The following ERBB4 variants were observed in gnomAD, a reference collection of about 807,000 sequenced individuals.
The protein encoded by ERBB4 is erb-b2 receptor tyrosine kinase 4.
In ERBB4, 42 loss-of-function variants were observed where a neutral mutation model predicts 158.0. The ratio of observed to expected loss-of-function variants is 0.27; its 90% CI spans 0.21 to 0.34. ERBB4 has a LOEUF of 0.34. ERBB4 is among the 10% of genes least tolerant of loss of function. ERBB4 has a pLI of 1.00. For missense variants in ERBB4, 1,333 were observed against 1,624.1 expected, an observed-to-expected ratio of 0.82 and a Z score of 3.08; for synonymous variants, 583 against 558.7, an observed-to-expected ratio of 1.04 and a Z score of -0.61.
At chr2:211,393,868 G>A (rs1369341170) in intron 25 of ERBB4, among the ~76,000 whole-genome samples, 1 of 151,552 alleles carries the variant, frequency 6.6e-6, no homozygotes, top group Non-Finnish European at 1.5e-5. Context: ...CAAGAGCAAA[G>A]CCAGCCCTGA....
chr2:211,933,468 T>C (rs1397629614), intron 3 of ERBB4, among the ~76,000 whole-genome samples: 1 of 152,108 alleles, frequency 6.6e-6, no homozygotes, highest in Non-Finnish European at 1.5e-5. Context: ...TTTGATAATC[T>C]ATTGTAGATA....
At chr2:212,119,028 T>C (rs74320008) in intron 2 of ERBB4, among the ~76,000 whole-genome samples, 2 of 152,014 alleles carry the variant, frequency 1.3e-5, no homozygotes, top group Non-Finnish European at 2.9e-5. Context: ...ATAAAAGACA[T>C]GTATAATGAT....
At chr2:211,918,576 C>T (rs778048685) in intron 3 of ERBB4, among the ~76,000 whole-genome samples, 16 of 152,116 alleles carry the variant, frequency 1.1e-4, no homozygotes, top group African/African-American at 1.7e-4. Context: ...TGTAATACCA[C>T]GTTTGCGGCA....
intron 1 of ERBB4, among the ~76,000 whole-genome samples, chr2:212,216,916 C>T (rs2083116561): frequency 6.6e-6 from 1 of 151,346 alleles, no homozygotes; most frequent in Non-Finnish European, 1.5e-5. Flanking sequence ...TATATCCATT[C>T]TATAGTTTAA....
chr2:212,326,574 A>G (rs2087845971), intron 1 of ERBB4, among the ~76,000 whole-genome samples: 1 of 150,806 alleles, frequency 6.6e-6, no homozygotes, highest in Non-Finnish European at 1.5e-5. Flanking sequence ...AGAGCATCTC[A>G]TATCACAGTG....
intron 12 of ERBB4, among the ~76,000 whole-genome samples, chr2:211,683,055 C>T (rs1183575163): frequency 6.6e-6 from 1 of 151,076 alleles, no homozygotes; most frequent in Non-Finnish European, 1.5e-5. Context: ...AGCTCTACAA[C>T]TTTTGATTCA....
chr2:211,910,991 T>C (rs1249869665), intron 3 of ERBB4, among the ~76,000 whole-genome samples: 2 of 152,206 alleles, frequency 1.3e-5, no homozygotes, highest in African/African-American at 2.4e-5. Context: ...CCATCATCTC[T>C]GCCTGGCAAC....
intron 19 of ERBB4, among the ~76,000 whole-genome samples, chr2:211,572,226 T>C (rs953879943): frequency 6.6e-6 from 1 of 152,340 alleles, no homozygotes; most frequent in African/African-American, 2.4e-5. Context: ...ATTTTTTGAT[T>C]GACAACATAG....
chr2:211,624,084 T>A (rs1559358248), intron 17 of ERBB4, 40 bp from the exon 18 acceptor site: 1 of 1,613,114 alleles, frequency 6.2e-7, no homozygotes, highest in Non-Finnish European at 8.5e-7. Context: ...TTCAGTCCGA[T>A]AGTCAGTCCT....
intron 12 of ERBB4, among the ~76,000 whole-genome samples, chr2:211,697,108 T>C (rs1173185750): frequency 6.8e-6 from 1 of 147,998 alleles, no homozygotes; most frequent in Non-Finnish European, 1.5e-5. Flanking sequence ...TCTTAATGTA[T>C]GTATACTCAT....
intron 2 of ERBB4, among the ~76,000 whole-genome samples, chr2:212,100,367 A>G (rs1575631782): frequency 6.6e-6 from 1 of 152,210 alleles, no homozygotes; most frequent in East Asian, 1.9e-4. Flanking sequence ...TAATATTTGA[A>G]GCCAAATTGT....
At chr2:212,091,711 C>A (rs1201333722) in intron 2 of ERBB4, among the ~76,000 whole-genome samples, 1 of 151,958 alleles carries the variant, frequency 6.6e-6, no homozygotes, top group Non-Finnish European at 1.5e-5. Context: ...GAAAAAAAAT[C>A]ATAAAATATT....
At chr2:211,788,287 T>A in intron 3 of ERBB4, 128 bp from the exon 4 acceptor site, 1 of 686,268 alleles carries the variant, frequency 1.5e-6, no homozygotes, top group South Asian at 1.7e-5. Context: ...ATAGCCAAGA[T>A]ATCTTTTAAA....
intron 2 of ERBB4, among the ~76,000 whole-genome samples, chr2:212,055,589 G>A (rs1055314505): frequency 2.0e-5 from 3 of 152,314 alleles, no homozygotes; most frequent in African/African-American, 7.2e-5. Context: ...GCTTCCAGGG[G>A]AACAATCAGG....
chr2:211,836,088 A>C (rs573977347), intron 3 of ERBB4, among the ~76,000 whole-genome samples: 43 of 152,230 alleles, frequency 2.8e-4, no homozygotes, highest in South Asian at 6.2e-4. Flanking sequence ...TTTATCTAAA[A>C]ATAGGTTGTA....
At chr2:211,902,814 T>C (rs2079273535) in intron 3 of ERBB4, among the ~76,000 whole-genome samples, 1 of 151,912 alleles carries the variant, frequency 6.6e-6, no homozygotes, top group South Asian at 2.1e-4. Flanking sequence ...TCAGCATTAC[T>C]GGTAATGAAA....
At chr2:212,230,897 T>G (rs1385286761) in intron 1 of ERBB4, among the ~76,000 whole-genome samples, 2 of 152,216 alleles carry the variant, frequency 1.3e-5, no homozygotes, top group Non-Finnish European at 2.9e-5. Context: ...TTATGGAACT[T>G]TTAAATTAGA....
intron 12 of ERBB4, among the ~76,000 whole-genome samples, chr2:211,684,785 C>T (rs1399495495): frequency 6.6e-6 from 1 of 152,136 alleles, no homozygotes; most frequent in Non-Finnish European, 1.5e-5. Flanking sequence ...GATGACTCAC[C>T]AAAGAATGGA....
intron 16 of ERBB4, among the ~76,000 whole-genome samples, chr2:211,651,049 A>G (rs558967842): frequency 2.0e-5 from 3 of 152,304 alleles, no homozygotes; most frequent in African/African-American, 7.2e-5. Flanking sequence ...TTTTATATTA[A>G]CCAGGGAGTA....
Sources: allele counts gnomAD v4.1 joint callset (sites outside exome capture counted in the v4.1 genomes callset), GRCh38; gene constraint gnomAD v4.1.1; transcripts MANE v1.5; gene names NCBI Gene and HGNC (gene_info 2026-07-23, HGNC 2026-07-21).